The following TPCN2 variants were observed in gnomAD, a reference collection of about 807,000 sequenced individuals.
TPCN2 encodes the protein two pore segment channel 2, also known as two pore channel protein 2.
TPCN2 carries 92 observed loss-of-function variants against 111.4 expected under a neutral mutation model. That is an observed-to-expected ratio of 0.83 (90% CI 0.70 to 0.98). The LOEUF (loss-of-function observed/expected upper bound fraction) is 0.98, where lower values mean the gene tolerates loss of function less well. TPCN2 is among the 50% of genes least tolerant of loss of function. The pLI is 0.00. For missense variants in TPCN2, 995 were observed against 980.1 expected (o/e 1.02, Z -0.20); for synonymous variants, 405 against 414.5 (o/e 0.98, Z 0.28).
chr11:69,078,801 C>T lies in TPCN2; in HGVS notation c.1410+8C>T. ...GATGACTTCATCCTGGGGGTAAGTT[C>T]TGAGCTGTCCACCTGTCAGGGCCAG... On this transcript the variant is annotated splice_region_variant and intron_variant, in intron 15 of 24. Transcript: ENST00000294309. 6.2e-7 allele frequency: 1 copy of T among 1,614,096 alleles called. No homozygotes were observed. The highest frequency in any genetic ancestry group is 8.5e-7 in the Non-Finnish European group (1 of 1,180,032).
chr11:69,079,092 C>G lies in TPCN2; in HGVS notation c.1539+72C>G, dbSNP rs1014043806. 10 of 1,519,460 alleles carry G rather than the reference C, an allele frequency of 6.6e-6. No homozygotes were observed. In the African/African-American group the frequency reaches 1.4e-4, roughly 21 times the overall value. The allele number at this position is 1,519,460 out of a possible 1,614,324, so 94.1% of individuals were successfully genotyped here. A position where few individuals can be genotyped will look rare whatever the true frequency, so the allele number is the denominator to read the frequency against. On this transcript the variant is annotated intron_variant, in intron 16 of 24. Transcript: ENST00000294309. ...AGCGCCACCTGGGCTCTGTGCTGGC[C>G]CATCTCAGGCCTCCCCTGAGGACTA...
intron 5 of TPCN2, among the ~76,000 whole-genome samples, chr11:69,062,682 T>C (rs1460384888): frequency 3.3e-5 from 5 of 152,030 alleles, no homozygotes; most frequent in Non-Finnish European, 7.4e-5. Flanking sequence ...GGGAGGCCTG[T>C]GACAGGGAAG....
intron 6 of TPCN2, among the ~76,000 whole-genome samples, chr11:69,063,528 A>G (rs1306123325): frequency 6.6e-6 from 1 of 151,856 alleles, no homozygotes; most frequent in Non-Finnish European, 1.5e-5. Flanking sequence ...CGCTCTTGCC[A>G]GTGGCAGCGT....
chr11:69,077,054 C>T (rs1464129247), intron 13 of TPCN2, among the ~76,000 whole-genome samples: 1 of 112,126 alleles, frequency 8.9e-6, no homozygotes, highest in Non-Finnish European at 1.9e-5. Flanking sequence ...CACCTGCCCT[C>T]GTGCCATGTC....
Position 69,082,786 on chromosome 11 carries a change from CATGTGA to C in TPCN2, c.1690-1157_1690-1152del, listed in dbSNP as rs1203203648. 2.9e-4 allele frequency among the ~76,000 whole-genome samples: 22 copies of C among 76,336 alleles called. 3 individuals carry two copies. Among genetic ancestry groups the C allele is most frequent in the East Asian group, 6.0e-4 (2 of 3,308 alleles). 50.1% of individuals were successfully genotyped at this position (76,336 alleles called of 152,430 possible). A position where few individuals can be genotyped will look rare whatever the true frequency, so the allele number is the denominator to read the frequency against. ...TGTGCACACATCGCGTGCAGATATCCATGTGAACTCGTGCCCGTGTAAGACGCATGA... is the reference window on the plus strand; with the variant it reads ...TGTGCACACATCGCGTGCAGATATCCACTCGTGCCCGTGTAAGACGCATGA... On this transcript the variant is annotated intron_variant, in intron 18 of 24. Coordinates refer to ENST00000294309, the MANE Select transcript of TPCN2 (RefSeq NM_139075.4).
chr11:69,087,359 G>T (rs1459473729), intron 24 of TPCN2, among the ~76,000 whole-genome samples, 153 bp downstream of exon 24: 1 of 152,206 alleles, frequency 6.6e-6, no homozygotes, highest in Non-Finnish European at 1.5e-5. Context: ...TAGGAGAGCA[G>T]CTCAGAGCCG....
chr11:69,074,526 G>A (rs956901137), intron 13 of TPCN2, among the ~76,000 whole-genome samples: 2 of 152,160 alleles, frequency 1.3e-5, no homozygotes, highest in Admixed American at 6.6e-5. Flanking sequence ...AAGTTAAGAA[G>A]CACCATTCTA....
intron 1 of TPCN2, among the ~76,000 whole-genome samples, chr11:69,052,443 G>A (rs972382191): frequency 6.6e-6 from 1 of 152,158 alleles, no homozygotes; most frequent in East Asian, 1.9e-4. Flanking sequence ...GCGATCCCAG[G>A]ATGTGCTCAG....
rs1355049608 is a variant in TPCN2 at position 69,086,533 on chromosome 11, A to G, written c.2014A>G (p.Ile672Val). 1 of 1,613,796 alleles carries G rather than the reference A, an allele frequency of 6.2e-7. No individual in the cohort carries two copies. ...CTCTGTCCTCCGCAGGTGGTCCAAGATCTATTTTGTATTGTGGTGGCTGGT... is the reference window on the plus strand; with the variant it reads ...CTCTGTCCTCCGCAGGTGGTCCAAGGTCTATTTTGTATTGTGGTGGCTGGT... ...YRRYSGPWSK[I>V]YFVLWWLVSS... Residue 672 changes from isoleucine to valine, a missense_variant, in exon 23 of 25, where the codon ATC becomes GTC. Ile to Val is a conservative substitution (Grantham distance 29, BLOSUM62 3). Coordinates refer to ENST00000294309, the MANE Select transcript of TPCN2 (RefSeq NM_139075.4).
chr11:69,065,703 C>T (rs1426677069), intron 7 of TPCN2, among the ~76,000 whole-genome samples: 1 of 152,224 alleles, frequency 6.6e-6, no homozygotes, highest in African/African-American at 2.4e-5. Context: ...CCTGCTTGTC[C>T]TCTGCTGGCT....
chr11:69,050,356 G>GACCTTGGCAGGTTGCTTGGCA (rs1416765604), intron 1 of TPCN2, among the ~76,000 whole-genome samples: 1 of 152,202 alleles, frequency 6.6e-6, no homozygotes, highest in Admixed American at 6.5e-5. Flanking sequence ...CTGGCTGTGT[G>GACCTTGGCAGGTTGCTTGGCA]ACCTTGGCAG....
rs115842436 is a variant in TPCN2 at position 69,071,344 on chromosome 11, C to G, written c.896-12C>G. ...TGGTGGCGCCCCTGACCGTGGCTGTCTCCTCTTGAAGGAAGCCTGTTTCTG... is the reference window on the plus strand; with the variant it reads ...TGGTGGCGCCCCTGACCGTGGCTGTGTCCTCTTGAAGGAAGCCTGTTTCTG... On this transcript the variant is annotated splice_polypyrimidine_tract_variant and intron_variant, in intron 9 of 24. Transcript: ENST00000294309. The G allele has an allele frequency of 1.9e-3, 3,011 of 1,613,006 alleles. 57 individuals are homozygous for G. The African/African-American group carries it at 0.034, about 18-fold the overall frequency.
At chr11:69,086,353 C>G (rs570838979) in intron 22 of TPCN2, among the ~76,000 whole-genome samples, 170 bp from the exon 23 acceptor site, 1 of 152,210 alleles carries the variant, frequency 6.6e-6, no homozygotes, top group East Asian at 1.9e-4. Context: ...TTGCACGTTT[C>G]TAGGCCTCAG....
chr11:69,082,617 G>A lies in TPCN2; in HGVS notation c.1689+1118G>A, dbSNP rs893475268. Among the ~76,000 whole-genome samples, 3 of 151,474 alleles carry A rather than the reference G, an allele frequency of 2.0e-5. No homozygotes were observed. The South Asian group carries it at 6.3e-4, about 32-fold the overall frequency. On this transcript the variant is annotated intron_variant, in intron 18 of 24. Coordinates refer to ENST00000294309, the MANE Select transcript of TPCN2 (RefSeq NM_139075.4). ...CAGATATCCATGTGAACTCGTGCCC[G>A]GGTAAGACGCATGATCGTGTGTGCA...
Position 69,085,653 on chromosome 11 carries a change from G to C in TPCN2, c.1839-18G>C, listed in dbSNP as rs759952219. ...CCTGGAGCCCCCGCCCCTGACCCAG[G>C]TGTGTTGTGTTCCCCAGCCTGGCCC... On this transcript the variant is annotated intron_variant, in intron 20 of 24. Transcript: ENST00000294309. 2 of 1,548,394 alleles carry C rather than the reference G, an allele frequency of 1.3e-6. No individual in the cohort carries two copies. The highest frequency in any genetic ancestry group is 1.8e-6 in the Non-Finnish European group (2 of 1,120,950).
At chr11:69,051,674 C>T (rs1271015831) in intron 1 of TPCN2, among the ~76,000 whole-genome samples, 5 of 152,216 alleles carry the variant, frequency 3.3e-5, no homozygotes, top group Non-Finnish European at 7.3e-5. Flanking sequence ...ACCCTTCAGC[C>T]CCAGTGGGTG....
chr11:69,074,347 G>A (rs1219712149), intron 13 of TPCN2, among the ~76,000 whole-genome samples: 3 of 152,268 alleles, frequency 2.0e-5, no homozygotes, highest in African/African-American at 7.2e-5. Context: ...TGGGCGATGA[G>A]TGTGGTGAGG....
chr11:69,072,023 C>T lies in TPCN2; in HGVS notation c.1061C>T (p.Ala354Val), dbSNP rs766724247. 2.7e-5 allele frequency: 44 copies of T among 1,611,942 alleles called. No homozygotes were observed. The African/African-American group carries it at 3.2e-4, about 12-fold the overall frequency. ...GGGGAGGGAGGAGCCTTCCCTCAGG[C>T]GTGAGTGCTGGGCATGGACCCTCTT... Reference protein sequence around the residue: ...MVGEGGAFPQAVGVKPQNLLQ... With the variant: ...MVGEGGAFPQVVGVKPQNLLQ... Residue 354 changes from alanine (A) to valine (V), a missense_variant and splice_region_variant, in exon 11 of 25, where the codon GCA becomes GTA. Transcript: ENST00000294309.
chr11:69,071,287 C>A, intron 9 of TPCN2, 69 bp from the exon 10 acceptor site: 1 of 1,302,298 alleles, frequency 7.7e-7, no homozygotes, highest in Non-Finnish European at 1.1e-6. Context: ...TATCCTGTGC[C>A]GGCCACCCTT....
Sources: allele counts gnomAD v4.1 joint callset (sites outside exome capture counted in the v4.1 genomes callset), GRCh38; gene constraint gnomAD v4.1.1; transcripts MANE v1.5; gene names NCBI Gene and HGNC (gene_info 2026-07-23, HGNC 2026-07-21).